Variants in CEP120 observed in about 807,000 individuals in gnomAD.
CEP120 encodes centrosomal protein 120.
CEP120 carries 113 observed loss-of-function variants against 126.5 expected under a neutral mutation model. The observed-to-expected ratio is 0.89, with a 90% CI of 0.77 to 1.04. The LOEUF (loss-of-function observed/expected upper bound fraction) is 1.04, where lower values mean the gene tolerates loss of function less well. CEP120 is among the 50% of genes least tolerant of loss of function. The probability of loss-of-function intolerance (pLI) is 0.00; values close to 1 mark genes in which losing one functional copy is unlikely to be tolerated. For missense variants in CEP120, 1,230 were observed against 1,155.7 expected (o/e 1.06, Z -0.93); for synonymous variants, 400 against 394.3 (o/e 1.01, Z -0.17).
intron 10 of CEP120, 135 bp from the exon 11 acceptor site, chr5:123,385,268 A>C (rs973204787): frequency 3.4e-6 from 2 of 588,024 alleles, no homozygotes; most frequent in African/African-American, 3.9e-5. Context: ...CACAATTGTT[A>C]GACTGAATGC....
intron 10 of CEP120, 60 bp downstream of exon 10, chr5:123,386,458 T>C (rs996908741): frequency 1.7e-6 from 2 of 1,202,146 alleles, no homozygotes; most frequent in East Asian, 3.1e-5. Context: ...TTTAATAAAA[T>C]ACAAATTTTC....
intron 4 of CEP120, among the ~76,000 whole-genome samples, chr5:123,408,759 T>A (rs1180112846): frequency 6.6e-6 from 1 of 152,174 alleles, no homozygotes; most frequent in African/African-American, 2.4e-5. Context: ...ACTTCCTAAC[T>A]CATTCTATGA....
At chr5:123,392,572 G>GTGA (rs775394216) in intron 6 of CEP120, among the ~76,000 whole-genome samples, 5 of 152,162 alleles carry the variant, frequency 3.3e-5, no homozygotes, top group Non-Finnish European at 7.4e-5. Flanking sequence ...GTACACTGGT[G>GTGA]TGATCATAGC....
chr5:123,392,188 T>A (rs1034866622), intron 6 of CEP120, among the ~76,000 whole-genome samples: 1 of 152,220 alleles, frequency 6.6e-6, no homozygotes. Flanking sequence ...AAAGTATTTT[T>A]ATGATGTAAA....
In CEP120 at chr5:123,353,016, G is replaced by A. The variant is rs146598360; in HGVS notation, c.2581-2927C>T. Among the ~76,000 whole-genome samples, 14 of 152,092 alleles carry A rather than the reference G, an allele frequency of 9.2e-5. No homozygotes were observed. The East Asian group carries it at 2.7e-3, about 29-fold the overall frequency. On this transcript the variant is annotated intron_variant, in intron 18 of 19. Coordinates refer to ENST00000306467, the MANE Select transcript of CEP120 (RefSeq NM_001375405.1). ...ACTCACTTATTCCTAATAGGTCAATGTAGATACTTTTTAGCTCTCTAAATA... is the reference window on the plus strand; with the variant it reads ...ACTCACTTATTCCTAATAGGTCAATATAGATACTTTTTAGCTCTCTAAATA...
Position 123,372,779 on chromosome 5 carries a change from T to G in CEP120, c.2359-7A>C, listed in dbSNP as rs1770939328. 1 of 1,585,432 alleles carries G rather than the reference T, an allele frequency of 6.3e-7. No homozygotes were observed. The highest frequency in any genetic ancestry group is 1.9e-5 in the Admixed American group (1 of 54,028). ...TATTTTCAGCATCATTAAGCTGTAT[T>G]AAAAAAAGTTTAGCCATTTCAAAAC... On this transcript the variant is annotated splice_polypyrimidine_tract_variant and splice_region_variant and intron_variant, in intron 16 of 19. Transcript: ENST00000306467.
chr5:123,383,050 G>A lies in CEP120; in HGVS notation c.1796C>T (p.Thr599Ile). Residue 599 changes from threonine to isoleucine, a missense_variant, in exon 12 of 20, where the codon ACA becomes ATA. Transcript: ENST00000306467. ...SNNRIADLSY[T>I]VTLEDYGLVK... ...TAGTCCATAATCTTCTAGAGTCACT[G>A]TGTAAGAAAGATCTGCTATCCTGTT... 1.3e-6 allele frequency: 2 copies of A among 1,557,856 alleles called. No individual in the cohort carries two copies. Among genetic ancestry groups the A allele is most frequent in the African/African-American group, 1.4e-5 (1 of 73,858 alleles).
intron 5 of CEP120, among the ~76,000 whole-genome samples, chr5:123,396,704 T>C (rs1361834456): frequency 6.6e-6 from 1 of 152,164 alleles, no homozygotes; most frequent in Non-Finnish European, 1.5e-5. Context: ...TTGAAGGAGC[T>C]AGAAAACAGA....
At chr5:123,351,587 T>A (rs1769202780) in intron 18 of CEP120, among the ~76,000 whole-genome samples, 1 of 152,214 alleles carries the variant, frequency 6.6e-6, no homozygotes, top group Non-Finnish European at 1.5e-5. Context: ...GAGGTTTTAG[T>A]ATCCTTTATC....
intron 13 of CEP120, among the ~76,000 whole-genome samples, 181 bp downstream of exon 13, chr5:123,382,556 G>A (rs1298877409): frequency 6.6e-6 from 1 of 152,040 alleles, no homozygotes; most frequent in Non-Finnish European, 1.5e-5. Flanking sequence ...AGTGGCTTCT[G>A]CCAAGGTGCC....
intron 4 of CEP120, among the ~76,000 whole-genome samples, chr5:123,406,792 T>C (rs1192670529): frequency 6.6e-6 from 1 of 151,954 alleles, no homozygotes; most frequent in Non-Finnish European, 1.5e-5. Context: ...GAAATGAACA[T>C]CAGAGAATAA....
At chr5:123,385,673 A>G (rs1180724077) in intron 10 of CEP120, among the ~76,000 whole-genome samples, 1 of 150,898 alleles carries the variant, frequency 6.6e-6, no homozygotes, top group East Asian at 1.9e-4. Flanking sequence ...CTGCTGTGCA[A>G]TGGCATAATC....
intron 18 of CEP120, among the ~76,000 whole-genome samples, chr5:123,357,315 A>G (rs1451483943): frequency 2.0e-5 from 3 of 151,966 alleles, no homozygotes; most frequent in African/African-American, 7.2e-5. Context: ...CTATGAAGTG[A>G]TATCTTTTTT....
At chr5:123,416,557 C>A (rs1410833027) in intron 2 of CEP120, among the ~76,000 whole-genome samples, 1 of 151,666 alleles carries the variant, frequency 6.6e-6, no homozygotes, top group East Asian at 1.9e-4. Flanking sequence ...GGTGACAGAT[C>A]AAGACTCCAT....
At chr5:123,399,009 T>C in intron 5 of CEP120, 127 bp downstream of exon 5, 1 of 604,474 alleles carries the variant, frequency 1.7e-6, no homozygotes, top group Non-Finnish European at 2.7e-6. Context: ...AAAACATGTT[T>C]TGAACTCATT....
intron 18 of CEP120, chr5:123,358,174 C>CTTTT (rs367597451): frequency 6.8e-6 from 1 of 146,600 alleles, no homozygotes; most frequent in East Asian, 1.9e-4. Context: ...TGCAAAAAGA[C>CTTTT]TTTTAATATA....
chr5:123,414,183 C>A (rs943786915), intron 3 of CEP120, among the ~76,000 whole-genome samples: 1 of 152,160 alleles, frequency 6.6e-6, no homozygotes, highest in Non-Finnish European at 1.5e-5. Flanking sequence ...ACCTTCTCTG[C>A]AACTAAACTG....
At chr5:123,371,184 T>C (rs137862668) in intron 17 of CEP120, among the ~76,000 whole-genome samples, 11 of 152,136 alleles carry the variant, frequency 7.2e-5, no homozygotes, top group East Asian at 1.9e-4. Flanking sequence ...TAATGTAACA[T>C]GATGCCTATA....
At chr5:123,391,899 G>A (rs1467708021) in intron 6 of CEP120, among the ~76,000 whole-genome samples, 1 of 151,858 alleles carries the variant, frequency 6.6e-6, no homozygotes, top group African/African-American at 2.4e-5. Context: ...TATCTCTGGA[G>A]TGGAGTATAC....
Sources: gnomAD v4.1 joint callset for allele counts (sites outside exome capture counted in the v4.1 genomes callset) on GRCh38, gnomAD v4.1.1 for gene constraint, MANE v1.5 for transcripts, NCBI Gene and HGNC (gene_info 2026-07-23, HGNC 2026-07-21) for gene names.